OXR1: variants seen among roughly 807,000 people sequenced by gnomAD.
OXR1 encodes the protein oxidation resistance 1.
Under a neutral mutation model 104.6 loss-of-function variants are expected in OXR1, and 41 were observed. That is an observed-to-expected ratio of 0.39 (90% confidence interval 0.31 to 0.51). The LOEUF (loss-of-function observed/expected upper bound fraction) is 0.51, where lower values mean the gene tolerates loss of function less well. Among genes scored for constraint, OXR1 ranks in the 20% least tolerant of loss-of-function variants. OXR1 has a pLI of 0.77. For missense variants in OXR1, 955 were observed against 1,031.9 expected (o/e 0.93, Z 1.02); for synonymous variants, 348 against 348.4 (o/e 1.00, Z 0.01).
chr8:106,629,673 T>C (rs1381407444), intron 3 of OXR1, among the ~76,000 whole-genome samples: 2 of 152,238 alleles, frequency 1.3e-5, no homozygotes, highest in African/African-American at 4.8e-5. Context: ...ATTTACATTA[T>C]ACCTTTAAAT....
chr8:106,679,049 C>CT lies in OXR1; in HGVS notation c.221-153dup, dbSNP rs1028719901. On this transcript the variant is annotated intron_variant, in intron 3 of 16. Transcript: ENST00000517566. ...AGCAAGCAAGTAGGAAGTTCAGTTC[C>CT]TTTTTTTTGACAGTTGCTTGATTTT... 1.9e-4 allele frequency among the ~76,000 whole-genome samples: 29 copies of CT among 151,652 alleles called. No homozygotes were observed. In the East Asian group the frequency reaches 2.5e-3, roughly 13 times the overall value.
rs189408660 is a variant in OXR1, at chr8:106,602,413, T to C, written c.221-76797T>C. On this transcript the variant is annotated intron_variant, in intron 3 of 16. Coordinates refer to ENST00000517566, the MANE Select transcript of OXR1 (RefSeq NM_001198533.2). ...AAAGAAGTAGACAGACTTTGAATTA[T>C]GTTTTGGAAGTGAAACAGGGCTAGC... Among the ~76,000 whole-genome samples the C allele has an allele frequency of 2.2e-4, 34 of 152,290 alleles. No individual in the cohort carries two copies. In the East Asian group the frequency reaches 6.4e-3, roughly 29 times the overall value.
At chr8:106,679,426 ATTGTT>A (rs931942155) in intron 4 of OXR1, 134 bp downstream of exon 4, 2 of 438,182 alleles carry the variant, frequency 4.6e-6, no homozygotes, top group African/African-American at 4.1e-5. Context: ...ACTTTGGATA[ATTGTT>A]TTATTTTTTA....
intron 1 of OXR1, among the ~76,000 whole-genome samples, chr8:106,294,395 C>CAAAAAAAAAAAAAAAAA (rs1200997871): frequency 1.4e-5 from 1 of 70,388 alleles, no homozygotes; most frequent in Non-Finnish European, 2.6e-5. Flanking sequence ...GACTCTGTCT[C>CAAAAAAAAAAAAAAAAA]AAAAAAAAAA....
intron 7 of OXR1, among the ~76,000 whole-genome samples, chr8:106,699,037 TTGA>T (rs1197842217): frequency 6.6e-6 from 1 of 152,220 alleles, no homozygotes; most frequent in Non-Finnish European, 1.5e-5. Flanking sequence ...TTTTATTTCT[TTGA>T]TGATCACTTG....
intron 2 of OXR1, among the ~76,000 whole-genome samples, chr8:106,504,322 A>AC (rs1812012654): frequency 6.6e-6 from 1 of 152,156 alleles, no homozygotes; most frequent in African/African-American, 2.4e-5. Context: ...TGCTAATATC[A>AC]AGTTTGTGAT....
At chr8:106,429,170 G>T (rs1428928551) in intron 2 of OXR1, among the ~76,000 whole-genome samples, 1 of 152,000 alleles carries the variant, frequency 6.6e-6, no homozygotes, top group Non-Finnish European at 1.5e-5. Flanking sequence ...GACCACATCT[G>T]CTCACGCTTG....
At position 106,740,379 on chromosome 8, in the gene OXR1, C is replaced by A. The variant is rs774883175; in HGVS notation, c.2200C>A (p.Pro734Thr). Residue 734 changes from proline (P) to threonine (T), a missense_variant, in exon 14 of 17, where the codon CCA becomes ACA. Physicochemically the swap from Pro to Thr is conservative, Grantham distance 38 (BLOSUM62 -1). Around this residue, in one of 2 missense-constraint regions of OXR1, gnomAD observed 106 missense variants for 179.0 expected, o/e 0.59. Transcript: ENST00000517566. ...TCTTCCACCAAGAACAATTGGCTAT[C>A]CATGGACTCTTGTTTATGGTACTGG... The part of the protein sequence containing the change: ...KHLPPRTIGY[P>T]WTLVYGTGKH... 1.9e-6 allele frequency: 3 copies of A among 1,612,702 alleles called. No individual in the cohort carries two copies. The South Asian group carries it at 3.3e-5, about 18-fold the overall frequency.
At chr8:106,344,127 C>G (rs990560924) in intron 1 of OXR1, among the ~76,000 whole-genome samples, 2 of 152,150 alleles carry the variant, frequency 1.3e-5, no homozygotes, top group African/African-American at 4.8e-5. Context: ...CACCAGATGA[C>G]TTTTAGAGTG....
chr8:106,339,722 T>C (rs1311764026), intron 1 of OXR1, among the ~76,000 whole-genome samples: 3 of 150,970 alleles, frequency 2.0e-5, no homozygotes, highest in Admixed American at 2.0e-4. Context: ...TCTTTCTTCC[T>C]TTGATAAAAA....
At chr8:106,419,518 G>A (rs1818818082) in intron 2 of OXR1, among the ~76,000 whole-genome samples, 1 of 152,240 alleles carries the variant, frequency 6.6e-6, no homozygotes, top group East Asian at 1.9e-4. Flanking sequence ...GGTATGAGGA[G>A]TGGAATTGCC....
intron 2 of OXR1, among the ~76,000 whole-genome samples, chr8:106,389,864 G>A (rs1586595309): frequency 1.3e-5 from 2 of 152,176 alleles, no homozygotes; most frequent in African/African-American, 4.8e-5. Flanking sequence ...TCAGGAGTTC[G>A]AGACCAGCCT....
intron 3 of OXR1, among the ~76,000 whole-genome samples, chr8:106,526,823 G>A (rs1012620094): frequency 1.2e-4 from 18 of 152,314 alleles, no homozygotes; most frequent in Non-Finnish European, 2.1e-4. Context: ...GATTATAGGC[G>A]TGAGCCACCG....
chr8:106,486,399 A>G (rs1810660739), intron 2 of OXR1, among the ~76,000 whole-genome samples: 1 of 152,082 alleles, frequency 6.6e-6, no homozygotes, highest in Non-Finnish European at 1.5e-5. Flanking sequence ...ATTCTCTCAG[A>G]TATGACCTTC....
intron 2 of OXR1, among the ~76,000 whole-genome samples, chr8:106,461,234 G>A (rs548715937): frequency 2.0e-5 from 3 of 151,994 alleles, no homozygotes; most frequent in Admixed American, 1.3e-4. Context: ...CCTGGGAGAC[G>A]GTGAGTTCTC....
chr8:106,637,513 C>A (rs1031672483), intron 3 of OXR1, among the ~76,000 whole-genome samples: 1 of 152,048 alleles, frequency 6.6e-6, no homozygotes, highest in African/African-American at 2.4e-5. Flanking sequence ...AACTCAAAAA[C>A]CAGACATATT....
chr8:106,745,930 A>C, intron 16 of OXR1, 68 bp downstream of exon 16: 1 of 850,254 alleles, frequency 1.2e-6, no homozygotes, highest in Non-Finnish European at 2.0e-6. Flanking sequence ...GATTATTTAT[A>C]AATTCAGTTG....
intron 3 of OXR1, among the ~76,000 whole-genome samples, chr8:106,666,737 C>T (rs1412310356): frequency 2.0e-5 from 3 of 152,112 alleles, no homozygotes; most frequent in Admixed American, 6.6e-5. Flanking sequence ...TTCACCTGGA[C>T]AGTGGAGGAT....
chr8:106,290,203 A>G (rs961546984), intron 1 of OXR1, among the ~76,000 whole-genome samples: 6 of 152,180 alleles, frequency 3.9e-5, no homozygotes, highest in African/African-American at 1.4e-4. Context: ...CAATAGGGAA[A>G]GGACTCCCTA....
Sources: gnomAD v4.1 joint callset for allele counts (sites outside exome capture counted in the v4.1 genomes callset) on GRCh38, gnomAD v4.1.1 for gene constraint, gnomAD v4.1.1 regional missense constraint, MANE v1.5 for transcripts, NCBI Gene and HGNC (gene_info 2026-07-23, HGNC 2026-07-21) for gene names.